The following ADAM32 variants were observed in gnomAD, a reference collection of about 807,000 sequenced individuals.
ADAM32 encodes the protein disintegrin and metalloproteinase domain-containing protein 32.
Under a neutral mutation model 114.9 loss-of-function variants are expected in ADAM32, and 89 were observed. The ratio of observed to expected loss-of-function variants is 0.77; its 90% CI spans 0.65 to 0.92. The LOEUF is 0.92. ADAM32 is among the 40% of genes least tolerant of loss of function. ADAM32 has a pLI of 0.00. For missense variants in ADAM32, 870 were observed against 932.8 expected (o/e 0.93, Z 0.88); for synonymous variants, 285 against 307.5 (o/e 0.93, Z 0.77).
intron 12 of ADAM32, among the ~76,000 whole-genome samples, chr8:39,213,241 T>C (rs1461647556): frequency 1.3e-5 from 2 of 152,142 alleles, no homozygotes; most frequent in Non-Finnish European, 2.9e-5. Context: ...GTACATGTTA[T>C]ATTTTGATAC....
Position 39,273,526 on chromosome 8 carries a change from C to CA in ADAM32, c.2202-780dup, listed in dbSNP as rs201305086. Among the ~76,000 whole-genome samples the CA allele has an allele frequency of 4.3e-5, 6 of 140,084 alleles. No homozygotes were observed. In the East Asian group the frequency reaches 5.9e-4, roughly 14 times the overall value. The allele number at this position is 140,084 out of a possible 152,430, so 91.9% of individuals were successfully genotyped here. A position where few individuals can be genotyped will look rare whatever the true frequency, so the allele number is the denominator to read the frequency against. ...TGGGAGACAGAGCAAGACTCCACCT[C>CA]AAAAAACAAACAAACAAACAAACAA... On this transcript the variant is annotated intron_variant, in intron 20 of 24. Coordinates refer to ENST00000379907, the MANE Select transcript of ADAM32 (RefSeq NM_145004.7).
At chr8:39,281,938 G>T (rs900009902) in intron 23 of ADAM32, among the ~76,000 whole-genome samples, 2 of 152,106 alleles carry the variant, frequency 1.3e-5, no homozygotes, top group Admixed American at 6.5e-5. Context: ...TATATGGTTT[G>T]TATTTTCCCC....
At chr8:39,196,527 A>C (rs1807009431) in intron 11 of ADAM32, among the ~76,000 whole-genome samples, 1 of 151,982 alleles carries the variant, frequency 6.6e-6, no homozygotes, top group African/African-American at 2.4e-5. Context: ...TAACTTATTG[A>C]TAGTATTTAT....
At chr8:39,221,824 T>C in intron 13 of ADAM32, 122 bp downstream of exon 13, 1 of 651,694 alleles carries the variant, frequency 1.5e-6, no homozygotes, top group Admixed American at 3.6e-5. Context: ...AAGAGAAAGA[T>C]AATAAATTCA....
Position 39,281,180 on chromosome 8 carries a change from C to T in ADAM32, c.2318+6C>T. On this transcript the variant is annotated splice_donor_region_variant and intron_variant, in intron 23 of 24. Coordinates refer to ENST00000379907, the MANE Select transcript of ADAM32 (RefSeq NM_145004.7). ...GCTGAAGCATATACTAGCAGGTAAG[C>T]AGGATAGAAAGTGTTACTTATAAAT... 1 of 1,367,338 alleles carries T rather than the reference C, an allele frequency of 7.3e-7. No individual in the cohort carries two copies. The highest frequency in any genetic ancestry group is 9.6e-7 in the Non-Finnish European group (1 of 1,040,022). 84.7% of individuals were successfully genotyped at this position (1,367,338 alleles called of 1,614,324 possible).
At chr8:39,211,927 C>A (rs1484478839) in intron 12 of ADAM32, among the ~76,000 whole-genome samples, 1 of 152,126 alleles carries the variant, frequency 6.6e-6, no homozygotes, top group Non-Finnish European at 1.5e-5. Flanking sequence ...ATTACTTGAA[C>A]CATATCACAT....
intron 21 of ADAM32, 70 bp downstream of exon 21, chr8:39,274,420 A>T: frequency 6.6e-7 from 1 of 1,510,068 alleles, no homozygotes; most frequent in Non-Finnish European, 9.1e-7. Context: ...TTCACAATTT[A>T]TTTCTAAATA....
intron 12 of ADAM32, 89 bp from the exon 13 acceptor site, chr8:39,221,521 A>G: frequency 9.9e-7 from 1 of 1,010,162 alleles, no homozygotes; most frequent in South Asian, 1.5e-5. Flanking sequence ...TTCCAAATTC[A>G]AACAGTAAGC....
chr8:39,148,335 G>C (rs1803629866), intron 4 of ADAM32, among the ~76,000 whole-genome samples: 1 of 151,704 alleles, frequency 6.6e-6, no homozygotes, highest in Non-Finnish European at 1.5e-5. Flanking sequence ...CTATTTCCTG[G>C]TATCCAAATG....
chr8:39,254,291 T>C (rs1811492746), intron 17 of ADAM32, 123 bp from the exon 18 acceptor site: 3 of 680,034 alleles, frequency 4.4e-6, no homozygotes, highest in East Asian at 3.1e-5. Flanking sequence ...ACATTTGATA[T>C]GTGAGACTGT....
In ADAM32 at chr8:39,186,960, C is replaced by T. The variant is rs1242514902; in HGVS notation, c.967C>T (p.Leu323=). The stretch of plus-strand genomic sequence containing the variant: ...ATTTGCAGTTATTGTCACCCAGATG[C>T]TGGCACTCAGTCTGGGAATATCATA... ...EAFAVIVTQM[L]ALSLGISYDD... is the part of the protein sequence containing the mutation. Residue 323 remains leucine (L), a synonymous_variant, in exon 11 of 25, where the codon CTG becomes TTG. Transcript: ENST00000379907. 1.2e-6 allele frequency: 2 copies of T among 1,612,448 alleles called. No individual in the cohort carries two copies. The highest frequency in any genetic ancestry group is 2.2e-5 in the South Asian group (2 of 91,000).
At chr8:39,154,936 A>T (rs759764618) in intron 6 of ADAM32, among the ~76,000 whole-genome samples, 1 of 151,022 alleles carries the variant, frequency 6.6e-6, no homozygotes, top group Non-Finnish European at 1.5e-5. Flanking sequence ...TCTGGATATT[A>T]GTCCTTTGTC....
intron 6 of ADAM32, among the ~76,000 whole-genome samples, chr8:39,154,745 G>C (rs563195940): frequency 2.4e-4 from 36 of 152,306 alleles, no homozygotes; most frequent in Admixed American, 1.5e-3. Context: ...ACTGGCATGA[G>C]ATGGTATCTC....
At chr8:39,159,924 C>G (rs903214054) in intron 6 of ADAM32, among the ~76,000 whole-genome samples, 1 of 152,144 alleles carries the variant, frequency 6.6e-6, no homozygotes, top group Non-Finnish European at 1.5e-5. Context: ...GTTCAAGGAC[C>G]ACAATACTCC....
rs764121718 is a variant in ADAM32 at position 39,107,880 on chromosome 8, G to A, written c.58+47G>A. On this transcript the variant is annotated intron_variant, in intron 1 of 24. Transcript: ENST00000379907. The stretch of plus-strand genomic sequence containing the variant: ...CACTAGTCCGGGCGCTCGTCACACT[G>A]CGGCCCGACTCCCTGCAAAGCCCGG... The A allele has an allele frequency of 1.5e-5, 23 of 1,487,024 alleles. 1 individual carries two copies. The East Asian group carries it at 2.3e-4, about 15-fold the overall frequency. The allele number at this position is 1,487,024 out of a possible 1,614,324, so 92.1% of individuals were successfully genotyped here. A position where few individuals can be genotyped will look rare whatever the true frequency, so the allele number is the denominator to read the frequency against.
At chr8:39,260,465 A>G (rs1191258163) in intron 19 of ADAM32, among the ~76,000 whole-genome samples, 1 of 152,138 alleles carries the variant, frequency 6.6e-6, no homozygotes, top group East Asian at 1.9e-4. Context: ...GTGGGCTTAT[A>G]ATACATGGCT....
Position 39,144,661 on chromosome 8 carries a change from A to G in ADAM32, c.201-2469A>G, listed in dbSNP as rs980115940. Among the ~76,000 whole-genome samples the G allele has an allele frequency of 1.9e-3, 4 of 2,154 alleles. No homozygotes were observed. In the Non-Finnish European group the frequency reaches 0.043, roughly 23 times the overall value. 1.4% of individuals were successfully genotyped at this position (2,154 alleles called of 152,430 possible). A position where few individuals can be genotyped will look rare whatever the true frequency, so the allele number is the denominator to read the frequency against. The stretch of plus-strand genomic sequence containing the variant: ...AGGCCTAGAAGAGATATACCTTAAC[A>G]CAAAAATGTCATATATGACAAAGCC... On this transcript the variant is annotated intron_variant, in intron 3 of 24. Coordinates refer to ENST00000379907, the MANE Select transcript of ADAM32 (RefSeq NM_145004.7).
chr8:39,167,999 C>T (rs1367572917), intron 9 of ADAM32: 2 of 152,172 alleles, frequency 1.3e-5, no homozygotes, highest in Admixed American at 6.5e-5. Context: ...GACAGTTTGA[C>T]TTCCTCTTTA....
At chr8:39,118,950 C>T (rs529119282) in intron 2 of ADAM32, among the ~76,000 whole-genome samples, 2 of 152,294 alleles carry the variant, frequency 1.3e-5, no homozygotes, top group African/African-American at 4.8e-5. Context: ...GATCTGTTGT[C>T]TATCTCTATG....
Sources: gnomAD v4.1 joint callset for allele counts (sites outside exome capture counted in the v4.1 genomes callset) on GRCh38, gnomAD v4.1.1 for gene constraint, MANE v1.5 for transcripts, NCBI Gene and HGNC (gene_info 2026-07-23, HGNC 2026-07-21) for gene names.